The following AKT2 variants were observed in gnomAD, a reference collection of about 807,000 sequenced individuals.
The protein encoded by AKT2 is AKT serine/threonine kinase 2, also known as RAC-beta serine/threonine-protein kinase.
AKT2 carries 16 observed loss-of-function variants against 58.6 expected under a neutral mutation model. That is an observed-to-expected ratio of 0.27 (90% CI 0.18 to 0.41). The LOEUF (loss-of-function observed/expected upper bound fraction) is 0.41. Among genes scored for constraint, AKT2 ranks in the 10% least tolerant of loss-of-function variants. AKT2 has a pLI of 1.00. For missense variants in AKT2, 438 were observed against 661.0 expected, an observed-to-expected ratio of 0.66 and a Z score of 3.70; for synonymous variants, 253 against 254.0, an observed-to-expected ratio of 1.00 and a Z score of 0.04.
intron 6 of AKT2, chr19:40,240,778 T>C: frequency 6.5e-6 from 1 of 154,936 alleles, no homozygotes; most frequent in Admixed American, 6.3e-5. Flanking sequence ...TCTGAAGTCT[T>C]TTTTTTTTTT....
chr19:40,267,734 G>A (rs1158941288), intron 1 of AKT2, among the ~76,000 whole-genome samples: 1 of 152,068 alleles, frequency 6.6e-6, no homozygotes, highest in Non-Finnish European at 1.5e-5. Flanking sequence ...ATCTTTTTTG[G>A]GGTGCATCCT....
At chr19:40,253,438 A>G (rs1975309658) in intron 4 of AKT2, among the ~76,000 whole-genome samples, 1 of 117,874 alleles carries the variant, frequency 8.5e-6, no homozygotes, top group Admixed American at 9.3e-5. Context: ...TAAGAAAAAG[A>G]CCAACTACCC....
rs2077304367 is a variant in AKT2, at chr19:40,275,765, G to GGC, written c.-85+9415_-85+9416insGC. On this transcript the variant is annotated intron_variant, in intron 1 of 13. Transcript: ENST00000392038. Reference sequence around the variant, plus strand: ...TGTAATCCCAGCACTTTGGGAGGCTGGGGGGGGGGGGGGTGGGCGGGGGGC... The same window carrying GGC: ...TGTAATCCCAGCACTTTGGGAGGCTGGCGGGGGGGGGGGGGTGGGCGGGGGGC... Among the ~76,000 whole-genome samples the GGC allele has an allele frequency of 2.1e-4, 3 of 14,404 alleles. No homozygotes were observed. The South Asian group carries it at 0.014, about 67-fold the overall frequency. The allele number at this position is 14,404 out of a possible 152,430, so 9.4% of individuals were successfully genotyped here.
chr19:40,285,061 G>C, intron 1 of AKT2, 120 bp downstream of exon 1: 1 of 385,954 alleles, frequency 2.6e-6, no homozygotes, highest in Non-Finnish European at 4.6e-6. Flanking sequence ...CTGAAGGAGG[G>C]GCTCGAGGGC....
chr19:40,246,287 C>G (rs994821792), intron 4 of AKT2, among the ~76,000 whole-genome samples: 3 of 152,062 alleles, frequency 2.0e-5, no homozygotes, highest in Admixed American at 2.0e-4. Flanking sequence ...GCACCCGCCA[C>G]CATAATTTTT....
At chr19:40,257,748 G>A (rs1272535159) in intron 2 of AKT2, among the ~76,000 whole-genome samples, 2 of 152,110 alleles carry the variant, frequency 1.3e-5, no homozygotes, top group African/African-American at 4.8e-5. Context: ...CGACCCTAAT[G>A]TCCATCAACA....
Position 40,233,282 on chromosome 19 carries a change from T to C in AKT2, c.*590A>G, listed in dbSNP as rs955060657. On this transcript the variant is annotated 3_prime_UTR_variant, in exon 14 of 14. Coordinates refer to ENST00000392038, the MANE Select transcript of AKT2 (RefSeq NM_001626.6). The surrounding 1 kb of genome is among the most constrained non-coding windows in gnomAD (Gnocchi z 4.3). ...TACAGATCCTAGGATCTGACTCCAT[T>C]CACCAGGGAGCAGCCCTAACCCCCA... The C allele has an allele frequency of 2.9e-6, 1 of 345,408 alleles. No homozygotes were observed. Among genetic ancestry groups the C allele is most frequent in the Non-Finnish European group, 5.5e-6 (1 of 182,262 alleles). 21.4% of individuals were successfully genotyped at this position (345,408 alleles called of 1,614,324 possible).
At chr19:40,250,887 G>C (rs1361061625) in intron 4 of AKT2, among the ~76,000 whole-genome samples, 2 of 151,978 alleles carry the variant, frequency 1.3e-5, no homozygotes, top group African/African-American at 4.8e-5. Flanking sequence ...GCCAAGACCA[G>C]GGGTCTGCAA....
intron 2 of AKT2, among the ~76,000 whole-genome samples, chr19:40,263,923 G>A (rs942869841): frequency 2.6e-5 from 4 of 152,216 alleles, no homozygotes; most frequent in South Asian, 2.1e-4. Context: ...CCTTCTCAGC[G>A]AAGCCCCCTC....
chr19:40,272,823 C>G (rs2077240127), intron 1 of AKT2, among the ~76,000 whole-genome samples: 1 of 152,156 alleles, frequency 6.6e-6, no homozygotes, highest in Non-Finnish European at 1.5e-5. Flanking sequence ...AAGGCAGCCT[C>G]AGGAACCAAA....
intron 1 of AKT2, among the ~76,000 whole-genome samples, chr19:40,266,557 C>G (rs12460555): frequency 0.39 from 58,802 of 152,066 alleles, 13,000 homozygotes; most frequent in South Asian, 0.6. Context: ...TGATGCGAGG[C>G]TGGGAGCAGC....
At chr19:40,246,916 C>T (rs957131201) in intron 4 of AKT2, among the ~76,000 whole-genome samples, 2 of 152,324 alleles carry the variant, frequency 1.3e-5, no homozygotes, top group Admixed American at 6.5e-5. Context: ...GGGCTGTCGG[C>T]GCAGAGCACC....
At chr19:40,250,456 T>C (rs148141429) in intron 4 of AKT2, among the ~76,000 whole-genome samples, 2,407 of 151,370 alleles carry the variant, frequency 0.016, 154 homozygotes, top group Admixed American at 0.12. Context: ...TGAACCAAGA[T>C]TGCACCATTG....
intron 4 of AKT2, among the ~76,000 whole-genome samples, chr19:40,249,440 A>T (rs1974984563): frequency 6.6e-6 from 1 of 152,192 alleles, no homozygotes. Flanking sequence ...TGAGGGAGAG[A>T]CACGGCAGCT....
chr19:40,235,216 T>G lies in AKT2; in HGVS notation c.1263+47A>C. On this transcript the variant is annotated intron_variant, in intron 12 of 13. Coordinates refer to ENST00000392038, the MANE Select transcript of AKT2 (RefSeq NM_001626.6). The surrounding 1 kb of genome is among the most constrained non-coding windows in gnomAD (Gnocchi z 6.3). ...AGGCCTCAACCAAGGTCACCACGAGTGGGCCAGGTCCCTGAGGGTCCTGCT... is the reference window on the plus strand; with the variant it reads ...AGGCCTCAACCAAGGTCACCACGAGGGGGCCAGGTCCCTGAGGGTCCTGCT... 1 of 1,612,788 alleles carries G rather than the reference T, an allele frequency of 6.2e-7. No individual in the cohort carries two copies. Among genetic ancestry groups the G allele is most frequent in the Non-Finnish European group, 8.5e-7 (1 of 1,179,234 alleles).
intron 4 of AKT2, among the ~76,000 whole-genome samples, chr19:40,254,704 C>T (rs1049331748): frequency 6.6e-6 from 1 of 151,990 alleles, no homozygotes; most frequent in African/African-American, 2.4e-5. Context: ...TGGCACACGC[C>T]TGTAATCCCA....
At chr19:40,278,333 C>A (rs1383729350) in intron 1 of AKT2, among the ~76,000 whole-genome samples, 1 of 152,220 alleles carries the variant, frequency 6.6e-6, no homozygotes, top group African/African-American at 2.4e-5. Context: ...GGACAGCGAG[C>A]TGCCAGGCTG....
chr19:40,252,313 C>T (rs531067582), intron 4 of AKT2, among the ~76,000 whole-genome samples: 1 of 152,270 alleles, frequency 6.6e-6, no homozygotes, highest in South Asian at 2.1e-4. Flanking sequence ...GTCTCTTAGT[C>T]GTTCCAGCAG....
intron 4 of AKT2, among the ~76,000 whole-genome samples, chr19:40,244,756 C>T (rs1037832070): frequency 6.6e-5 from 10 of 152,248 alleles, no homozygotes; most frequent in Non-Finnish European, 1.2e-4. Flanking sequence ...TCCAGGATGG[C>T]CCCCGCCCCA....
Sources: gnomAD v4.1 joint callset for allele counts (sites outside exome capture counted in the v4.1 genomes callset) on GRCh38, gnomAD v4.1.1 for gene constraint, Gnocchi (gnomAD v3.1) non-coding constraint, MANE v1.5 for transcripts, NCBI Gene and HGNC (gene_info 2026-07-23, HGNC 2026-07-21) for gene names.